The following SLC36A1 variants were observed in gnomAD, a reference collection of about 807,000 sequenced individuals.
The protein encoded by SLC36A1 is solute carrier family 36 member 1.
Under a neutral mutation model 47.5 loss-of-function variants are expected in SLC36A1, and 30 were observed. The observed-to-expected ratio is 0.63, with a 90% CI of 0.47 to 0.86. SLC36A1 has a LOEUF of 0.86. Ranked by LOEUF, SLC36A1 falls within the 40% of genes least tolerant of loss-of-function variation. SLC36A1 has a pLI of 0.00. For missense variants in SLC36A1, 517 were observed against 606.0 expected (o/e 0.85, Z 1.54); for synonymous variants, 255 against 249.7 (o/e 1.02, Z -0.20).
upstream of SLC36A1, among the ~76,000 whole-genome samples, chr5:151,446,128 A>T (rs1298223943): frequency 6.6e-6 from 1 of 152,150 alleles, no homozygotes; most frequent in Non-Finnish European, 1.5e-5. Flanking sequence ...CTCTCTTAGA[A>T]CTACTTTTGC....
At chr5:151,424,428 A>T in the SLC36A1 span, among the ~76,000 whole-genome samples, 1 of 152,216 alleles carries the variant, frequency 6.6e-6, no homozygotes, top group Non-Finnish European at 1.5e-5. Context: ...GTAGGAAGGG[A>T]AGACAAGATG....
At chr5:151,551,519 T>G in the SLC36A1 span, 7 of 1,614,228 alleles carry the variant, frequency 4.3e-6, no homozygotes, top group Non-Finnish European at 5.9e-6. Context: ...CAAGTTATAG[T>G]TCGACCTTCT....
At chr5:151,394,354 C>T in the SLC36A1 span, among the ~76,000 whole-genome samples, 1 of 152,058 alleles carries the variant, frequency 6.6e-6, no homozygotes, top group Non-Finnish European at 1.5e-5. Flanking sequence ...TTGAACTTAC[C>T]CCTTTAGCTC....
At chr5:151,402,705 A>T in the SLC36A1 span, among the ~76,000 whole-genome samples, 1 of 152,150 alleles carries the variant, frequency 6.6e-6, no homozygotes, top group Non-Finnish European at 1.5e-5. Flanking sequence ...GTCTGTTCAG[A>T]GTCTTGATTT....
the SLC36A1 span, among the ~76,000 whole-genome samples, chr5:151,427,239 A>G: frequency 3.3e-5 from 5 of 152,258 alleles, no homozygotes; most frequent in African/African-American, 1.2e-4. Flanking sequence ...TATATTATAC[A>G]TATTACACAT....
upstream of SLC36A1, among the ~76,000 whole-genome samples, chr5:151,435,502 G>A (rs1208166711): frequency 2.6e-5 from 4 of 152,044 alleles, no homozygotes; most frequent in Admixed American, 2.6e-4. Context: ...GTATTATGGA[G>A]CATAAGGAAA....
intron 1 of SLC36A1, among the ~76,000 whole-genome samples, chr5:151,437,605 T>C (rs1465054734): frequency 6.6e-6 from 1 of 152,208 alleles, no homozygotes; most frequent in Non-Finnish European, 1.5e-5. Context: ...AGGTGAAAAT[T>C]TGTACCTCTT....
chr5:151,371,580 G>A, the SLC36A1 span, among the ~76,000 whole-genome samples: 1 of 152,064 alleles, frequency 6.6e-6, no homozygotes, highest in Non-Finnish European at 1.5e-5. Context: ...TGAGGTCATT[G>A]AGACTTAGTG....
At chr5:151,511,355 A>G in the SLC36A1 span, 1 of 152,164 alleles carries the variant, frequency 6.6e-6, no homozygotes, top group Non-Finnish European at 1.5e-5. Flanking sequence ...GCATGTGGGT[A>G]CACAGGAACC....
intron 1 of SLC36A1, among the ~76,000 whole-genome samples, chr5:151,454,786 C>T (rs935845290): frequency 2.8e-4 from 41 of 146,054 alleles, no homozygotes; most frequent in African/African-American, 1.1e-3. Context: ...GATCTCGGCT[C>T]ACTGCAAGCT....
At chr5:151,467,955 T>C (rs373883219) in intron 7 of SLC36A1, 30 bp downstream of exon 7, 1 of 1,591,152 alleles carries the variant, frequency 6.3e-7, no homozygotes, top group Non-Finnish European at 8.6e-7. Flanking sequence ...CCTATCATCT[T>C]GGTTCAATAT....
the SLC36A1 span, chr5:151,543,926 C>CAGG: frequency 6.2e-7 from 1 of 1,614,158 alleles, no homozygotes; most frequent in Non-Finnish European, 8.5e-7. Context: ...ATAGCCTGGA[C>CAGG]TTTAAGAACC....
chr5:151,353,831 A>G, the SLC36A1 span, among the ~76,000 whole-genome samples: 122 of 152,130 alleles, frequency 8.0e-4, no homozygotes, highest in African/African-American at 2.8e-3. Flanking sequence ...AGCCTTACAG[A>G]TTGTCTTCTT....
chr5:151,433,685 A>G (rs932219886), upstream of SLC36A1, among the ~76,000 whole-genome samples: 8 of 152,090 alleles, frequency 5.3e-5, no homozygotes, highest in Non-Finnish European at 1.0e-4. Context: ...CCAGGTGAAG[A>G]CAGGAACTCT....
chr5:151,505,762 C>G, the SLC36A1 span: 18 of 1,613,824 alleles, frequency 1.1e-5, no homozygotes, highest in Admixed American at 8.3e-5. Flanking sequence ...GGCCCTCCCC[C>G]TCCCTGCCGG....
the SLC36A1 span, among the ~76,000 whole-genome samples, chr5:151,389,582 T>C: frequency 0.52 from 64,875 of 124,292 alleles, 17,498 homozygotes; most frequent in African/African-American, 0.76. Context: ...CTCAACACCC[T>C]GGTGTGTGAT....
At chr5:151,554,535 CA>C in the SLC36A1 span, 1 of 1,614,112 alleles carries the variant, frequency 6.2e-7, no homozygotes, top group African/African-American at 1.3e-5. Context: ...CCAGGGGACA[CA>C]GGGCTCAGCC....
intron 5 of SLC36A1, among the ~76,000 whole-genome samples, chr5:151,466,682 G>A (rs1756430428): frequency 6.6e-6 from 1 of 152,170 alleles, no homozygotes; most frequent in Non-Finnish European, 1.5e-5. Flanking sequence ...ATTTCCTTGT[G>A]TTTTATGTCA....
the SLC36A1 span, chr5:151,512,042 G>A: frequency 2.4e-6 from 2 of 843,578 alleles, no homozygotes; most frequent in Non-Finnish European, 3.7e-6. This position sits in a 1 kb window ranked among gnomAD's most constrained non-coding sequence, Gnocchi z 4.1. Flanking sequence ...TTACTCACAA[G>A]TTAGGGGAAG....
Sources: allele counts gnomAD v4.1 joint callset (sites outside exome capture counted in the v4.1 genomes callset), GRCh38; gene constraint gnomAD v4.1.1; non-coding constraint Gnocchi (gnomAD v3.1); transcripts MANE v1.5; gene names NCBI Gene and HGNC (gene_info 2026-07-23, HGNC 2026-07-21).